Variants in CPQ observed in about 807,000 individuals in gnomAD.
The protein encoded by CPQ is Ser-Met dipeptidase.
A neutral mutation model predicts 45.7 loss-of-function variants in CPQ; 37 were observed. The observed-to-expected ratio is 0.81, with a 90% CI of 0.62 to 1.07. CPQ has a LOEUF of 1.07. Ranked by LOEUF, CPQ falls within the 50% of genes least tolerant of loss-of-function variation. CPQ has a pLI of 0.00. For synonymous variants in CPQ, 186 were observed against 205.8 expected (o/e 0.90, Z 0.82); for missense variants, 537 against 572.9 (o/e 0.94, Z 0.64).
chr8:96,915,375 C>G (rs1027593594), intron 4 of CPQ, among the ~76,000 whole-genome samples: 1 of 152,054 alleles, frequency 6.6e-6, no homozygotes, highest in Non-Finnish European at 1.5e-5. Context: ...TGGAAACATG[C>G]CTAAGGCTGA....
chr8:96,685,285 G>A (rs956155289), intron 1 of CPQ, among the ~76,000 whole-genome samples: 1 of 151,688 alleles, frequency 6.6e-6, no homozygotes, highest in African/African-American at 2.4e-5. Flanking sequence ...TGAGTTTTTT[G>A]ACAGAATTAG....
chr8:96,977,338 A>C (rs1813806907), intron 5 of CPQ, among the ~76,000 whole-genome samples: 1 of 151,674 alleles, frequency 6.6e-6, no homozygotes, highest in Non-Finnish European at 1.5e-5. Flanking sequence ...AAAAAAAAAA[A>C]ATAGATGTTG....
At chr8:97,129,019 G>A (rs1263112512) in intron 7 of CPQ, among the ~76,000 whole-genome samples, 1 of 152,142 alleles carries the variant, frequency 6.6e-6, no homozygotes, top group African/African-American at 2.4e-5. Flanking sequence ...AGACAGAGTG[G>A]GATTCACCCC....
intron 3 of CPQ, among the ~76,000 whole-genome samples, chr8:96,867,655 TC>T (rs1353391023): frequency 3.9e-5 from 6 of 152,002 alleles, no homozygotes; most frequent in South Asian, 2.1e-4. Context: ...ATTTTTTAAG[TC>T]ATTTTTTGCT....
At chr8:96,934,409 G>A (rs912484966) in intron 4 of CPQ, among the ~76,000 whole-genome samples, 2 of 152,154 alleles carry the variant, frequency 1.3e-5, no homozygotes, top group Non-Finnish European at 2.9e-5. Context: ...GCAGGGGCAT[G>A]ATTGAGCAAA....
At chr8:96,686,774 T>A (rs578069320) in intron 1 of CPQ, among the ~76,000 whole-genome samples, 1 of 152,276 alleles carries the variant, frequency 6.6e-6, no homozygotes, top group South Asian at 2.1e-4. Flanking sequence ...AGGTGTTTCT[T>A]AAAAATTTGT....
chr8:96,948,460 C>A (rs144838643), intron 4 of CPQ, among the ~76,000 whole-genome samples: 240 of 151,928 alleles, frequency 1.6e-3, no homozygotes, highest in African/African-American at 5.4e-3. Flanking sequence ...TTCAGTTTTT[C>A]TTTTGCTATT....
At chr8:96,887,396 G>A (rs1172840280) in intron 4 of CPQ, among the ~76,000 whole-genome samples, 1 of 152,182 alleles carries the variant, frequency 6.6e-6, no homozygotes, top group African/African-American at 2.4e-5. Flanking sequence ...TTCTTGGAAA[G>A]CGAGGGCTGT....
intron 1 of CPQ, among the ~76,000 whole-genome samples, chr8:96,778,161 A>G (rs987252549): frequency 3.3e-5 from 5 of 152,006 alleles, no homozygotes; most frequent in African/African-American, 1.2e-4. Flanking sequence ...ATATCAGATT[A>G]TGATTTCTGT....
intron 2 of CPQ, among the ~76,000 whole-genome samples, chr8:96,828,883 C>G (rs1398410615): frequency 6.6e-6 from 1 of 152,070 alleles, no homozygotes; most frequent in Non-Finnish European, 1.5e-5. Context: ...GTCTGAGTGC[C>G]TGTTCATGCT....
chr8:96,730,593 A>T (rs977780760), intron 1 of CPQ, among the ~76,000 whole-genome samples: 1 of 151,970 alleles, frequency 6.6e-6, no homozygotes, highest in Non-Finnish European at 1.5e-5. Context: ...CAGTGGGCCT[A>T]TAAAATCTTT....
At chr8:97,053,504 C>T (rs970744067) in intron 6 of CPQ, among the ~76,000 whole-genome samples, 1 of 152,056 alleles carries the variant, frequency 6.6e-6, no homozygotes, top group Non-Finnish European at 1.5e-5. Context: ...AGCATTCTAG[C>T]GAAGATGGAG....
At chr8:96,947,081 G>C (rs925784184) in intron 4 of CPQ, among the ~76,000 whole-genome samples, 1 of 152,140 alleles carries the variant, frequency 6.6e-6, no homozygotes, top group African/African-American at 2.4e-5. Flanking sequence ...ATGGTGGCCA[G>C]CACACAGTGG....
At chr8:96,908,859 G>T (rs939995422) in intron 4 of CPQ, among the ~76,000 whole-genome samples, 4 of 151,620 alleles carry the variant, frequency 2.6e-5, no homozygotes, top group African/African-American at 9.7e-5. Flanking sequence ...AGAGATCTGG[G>T]CTTTCAGCCA....
chr8:96,802,408 G>A (rs528969705), intron 2 of CPQ, among the ~76,000 whole-genome samples: 1 of 152,292 alleles, frequency 6.6e-6, no homozygotes, highest in South Asian at 2.1e-4. Context: ...ATTTCACATT[G>A]AAAGTGGCTC....
intron 4 of CPQ, among the ~76,000 whole-genome samples, chr8:96,895,791 C>A (rs1462972175): frequency 6.6e-6 from 1 of 152,112 alleles, no homozygotes; most frequent in Non-Finnish European, 1.5e-5. Flanking sequence ...CATTATTATT[C>A]TCTGCACATT....
At chr8:97,040,693 T>C (rs1232761526) in intron 6 of CPQ, among the ~76,000 whole-genome samples, 1 of 152,060 alleles carries the variant, frequency 6.6e-6, no homozygotes, top group Non-Finnish European at 1.5e-5. Flanking sequence ...GTTTCAGCTT[T>C]CTACATATGG....
intron 3 of CPQ, among the ~76,000 whole-genome samples, chr8:96,867,137 T>C (rs1812005913): frequency 6.6e-6 from 1 of 152,104 alleles, no homozygotes; most frequent in South Asian, 2.1e-4. Flanking sequence ...TTTGTGTGAA[T>C]GCTAAGATCT....
intron 6 of CPQ, among the ~76,000 whole-genome samples, chr8:97,036,532 A>G (rs1810010006): frequency 6.6e-6 from 1 of 152,218 alleles, no homozygotes; most frequent in Admixed American, 6.5e-5. Context: ...GAATTTTCAA[A>G]TCAGTGAATA....
Sources: allele counts gnomAD v4.1 joint callset (sites outside exome capture counted in the v4.1 genomes callset), GRCh38; gene constraint gnomAD v4.1.1; transcripts MANE v1.5; gene names NCBI Gene and HGNC (gene_info 2026-07-23, HGNC 2026-07-21).